Variants in SGCZ observed in about 807,000 individuals in gnomAD.
The protein encoded by SGCZ is zeta-sarcoglycan.
Under a neutral mutation model 41.3 loss-of-function variants are expected in SGCZ, and 40 were observed. The ratio of observed to expected loss-of-function variants is 0.97; its 90% confidence interval spans 0.75 to 1.26. The LOEUF is 1.26. Ranked by LOEUF, SGCZ falls within the 50% of genes most tolerant of loss-of-function variation. SGCZ has a pLI of 0.00. For missense variants in SGCZ, 552 were observed against 369.8 expected (o/e 1.49, Z -4.04); for synonymous variants, 206 against 137.5 (o/e 1.50, Z -3.49).
At chr8:15,153,473 A>G (rs1004562222) in intron 1 of SGCZ, among the ~76,000 whole-genome samples, 1 of 152,182 alleles carries the variant, frequency 6.6e-6, no homozygotes, top group Admixed American at 6.5e-5. Flanking sequence ...AGTCAGTGAT[A>G]TAGTTTGAAC....
chr8:14,273,767 A>C (rs1800135009), intron 3 of SGCZ, among the ~76,000 whole-genome samples: 1 of 152,194 alleles, frequency 6.6e-6, no homozygotes, highest in Non-Finnish European at 1.5e-5. Flanking sequence ...CTAGATACTA[A>C]GTGTAAAAAC....
chr8:15,016,645 C>T (rs1026275817), intron 1 of SGCZ, among the ~76,000 whole-genome samples: 1 of 152,126 alleles, frequency 6.6e-6, no homozygotes, highest in Non-Finnish European at 1.5e-5. Context: ...CAGAATCTTG[C>T]CCCAGTACGT....
rs188878533 is a variant in SGCZ at position 14,238,687 on chromosome 8, C to A, written c.337-1008G>T. ...CTAAGTAGGGTGATCATTTACAAAT[C>A]TCTATTAATTTATTCAATAAATATT... On this transcript the variant is annotated intron_variant, in intron 3 of 7. Coordinates refer to ENST00000382080, the MANE Select transcript of SGCZ (RefSeq NM_139167.4). 3.1e-3 allele frequency among the ~76,000 whole-genome samples: 465 copies of A among 152,162 alleles called. 2 individuals carry two copies. The highest frequency in any genetic ancestry group is 6.8e-3 in the Middle Eastern group (2 of 294).
At chr8:14,832,816 C>A (rs758375361) in intron 1 of SGCZ, among the ~76,000 whole-genome samples, 1 of 152,002 alleles carries the variant, frequency 6.6e-6, no homozygotes, top group Non-Finnish European at 1.5e-5. Flanking sequence ...ATTAATCCAA[C>A]CTTTCAAATA....
At chr8:15,213,699 C>G (rs961796210) in intron 1 of SGCZ, among the ~76,000 whole-genome samples, 27 of 151,500 alleles carry the variant, frequency 1.8e-4, no homozygotes, top group African/African-American at 5.8e-4. Flanking sequence ...CTTAAGGTAG[C>G]AAAAAAGTGA....
At chr8:14,308,771 A>C (rs1032963106) in intron 3 of SGCZ, among the ~76,000 whole-genome samples, 5 of 152,120 alleles carry the variant, frequency 3.3e-5, no homozygotes, top group Non-Finnish European at 5.9e-5. Context: ...AAAATTTGTA[A>C]CACACTATTT....
intron 5 of SGCZ, among the ~76,000 whole-genome samples, chr8:14,128,429 G>A (rs1369110181): frequency 1.3e-5 from 2 of 152,078 alleles, no homozygotes; most frequent in African/African-American, 2.4e-5. Context: ...CAGATAAAAG[G>A]GAACGCTTAT....
intron 7 of SGCZ, among the ~76,000 whole-genome samples, chr8:14,101,326 A>G (rs953113627): frequency 1.1e-5 from 1 of 90,628 alleles, no homozygotes; most frequent in African/African-American, 2.7e-5. Flanking sequence ...ATGCAAAGTT[A>G]TGTCTTCAGA....
chr8:14,467,416 C>A (rs1801082789), intron 2 of SGCZ, among the ~76,000 whole-genome samples: 1 of 151,964 alleles, frequency 6.6e-6, no homozygotes, highest in African/African-American at 2.4e-5. Flanking sequence ...CAATAATCAC[C>A]AATCTGAGCA....
chr8:14,599,984 C>T (rs1805534432), intron 1 of SGCZ, among the ~76,000 whole-genome samples: 1 of 152,038 alleles, frequency 6.6e-6, no homozygotes, highest in African/African-American at 2.4e-5. Flanking sequence ...ATTTTTGTAG[C>T]CTTCACATTT....
intron 5 of SGCZ, among the ~76,000 whole-genome samples, chr8:14,123,510 T>G (rs1455778694): frequency 6.6e-6 from 1 of 152,174 alleles, no homozygotes; most frequent in Non-Finnish European, 1.5e-5. Context: ...TCCATCCTAC[T>G]TTTCAAGGCA....
At chr8:14,594,357 T>G (rs1429862032) in intron 1 of SGCZ, among the ~76,000 whole-genome samples, 1 of 151,920 alleles carries the variant, frequency 6.6e-6, no homozygotes, top group African/African-American at 2.4e-5. Context: ...TAGGAAACAC[T>G]GATGTAGCAT....
chr8:14,643,953 A>T (rs962236011), intron 1 of SGCZ, among the ~76,000 whole-genome samples: 1 of 148,756 alleles, frequency 6.7e-6, no homozygotes, highest in African/African-American at 2.5e-5. Context: ...GTGTGAATGA[A>T]GAAAGACCAA....
intron 1 of SGCZ, among the ~76,000 whole-genome samples, chr8:15,177,040 A>C (rs1800020202): frequency 6.6e-6 from 1 of 152,224 alleles, no homozygotes; most frequent in Non-Finnish European, 1.5e-5. Context: ...ACACTATATG[A>C]AAACTATATG....
At chr8:14,559,319 T>C (rs1804136508) in intron 1 of SGCZ, among the ~76,000 whole-genome samples, 1 of 152,074 alleles carries the variant, frequency 6.6e-6, no homozygotes, top group Admixed American at 6.6e-5. Context: ...AATCAGTAGT[T>C]CTGCTATACA....
chr8:14,112,149 G>C (rs113151078), intron 5 of SGCZ, among the ~76,000 whole-genome samples: 4 of 152,070 alleles, frequency 2.6e-5, no homozygotes, highest in African/African-American at 9.6e-5. Context: ...CTCACATTGA[G>C]AAAAAGAAAG....
chr8:14,097,113 T>C (rs1025212860), intron 7 of SGCZ, among the ~76,000 whole-genome samples: 5 of 152,198 alleles, frequency 3.3e-5, no homozygotes, highest in African/African-American at 1.2e-4. Flanking sequence ...GCTCTGATCA[T>C]AGTCATTTCT....
At chr8:14,374,034 T>G (rs1303848009) in intron 2 of SGCZ, among the ~76,000 whole-genome samples, 2 of 152,162 alleles carry the variant, frequency 1.3e-5, no homozygotes, top group Non-Finnish European at 2.9e-5. Context: ...AGAAAATTGA[T>G]GACACATGAG....
intron 2 of SGCZ, among the ~76,000 whole-genome samples, chr8:14,498,128 T>G (rs1802045606): frequency 6.6e-6 from 1 of 152,190 alleles, no homozygotes; most frequent in South Asian, 2.1e-4. Flanking sequence ...TACTCTTTGT[T>G]GATTTGAATG....
Sources: gnomAD v4.1 joint callset for allele counts (sites outside exome capture counted in the v4.1 genomes callset) on GRCh38, gnomAD v4.1.1 for gene constraint, MANE v1.5 for transcripts, NCBI Gene and HGNC (gene_info 2026-07-23, HGNC 2026-07-21) for gene names.